The following CDC73 variants were observed in gnomAD, a reference collection of about 807,000 sequenced individuals.
CDC73 encodes the protein parafibromin.
CDC73 carries 21 observed loss-of-function variants against 83.7 expected under a neutral mutation model. That is an observed-to-expected ratio of 0.25 (90% CI 0.18 to 0.36). The LOEUF (loss-of-function observed/expected upper bound fraction) is 0.36, where lower values mean the gene tolerates loss of function less well. Among genes scored for constraint, CDC73 ranks in the 10% least tolerant of loss-of-function variants. The pLI is 1.00. For synonymous variants in CDC73, 224 were observed against 212.9 expected (o/e 1.05, Z -0.45); for missense variants, 342 against 653.3 (o/e 0.52, Z 5.19).
intron 3 of CDC73, among the ~76,000 whole-genome samples, chr1:193,131,610 C>T (rs571758804): frequency 2.6e-5 from 4 of 152,318 alleles, no homozygotes; most frequent in South Asian, 4.1e-4. Context: ...CTGCCTAAAT[C>T]TCTGTGACTC....
intron 1 of CDC73, among the ~76,000 whole-genome samples, chr1:193,123,383 A>G (rs1675501403): frequency 6.6e-6 from 1 of 152,044 alleles, no homozygotes; most frequent in South Asian, 2.1e-4. Flanking sequence ...CCCCGCCACC[A>G]TGGCCGGCTA....
rs1678030993 is a variant in CDC73 at position 193,250,694 on chromosome 1, A to G, written c.1578A>G (p.Lys526=). 1 of 1,609,180 alleles carries G rather than the reference A, an allele frequency of 6.2e-7. No individual in the cohort carries two copies. The highest frequency in any genetic ancestry group is 8.5e-7 in the Non-Finnish European group (1 of 1,176,158). ...TTTTCAGGTACATGGTAAAGCATAAATCGCACTTGAGATTCTGAATTATTT... is the reference window on the plus strand; with the variant it reads ...TTTTCAGGTACATGGTAAAGCATAAGTCGCACTTGAGATTCTGAATTATTT... ...ETLDRYMVKH[K]SHLRF Residue 526 remains lysine, a synonymous_variant, in exon 17 of 17, where the codon AAA becomes AAG. Coordinates refer to ENST00000367435, the MANE Select transcript of CDC73 (RefSeq NM_024529.5).
At chr1:193,138,025 T>C in intron 5 of CDC73, 60 bp from the exon 6 acceptor site, 1 of 1,281,896 alleles carries the variant, frequency 7.8e-7, no homozygotes, top group South Asian at 1.2e-5. Context: ...ACATGTAGCG[T>C]TTTTTCTTCC....
chr1:193,135,964 G>T (rs1439577143), intron 5 of CDC73, among the ~76,000 whole-genome samples: 1 of 151,480 alleles, frequency 6.6e-6, no homozygotes, highest in Non-Finnish European at 1.5e-5. Flanking sequence ...GACCTCCGGG[G>T]TTTAAGTGAT....
chr1:193,123,451 T>C (rs1675503010), intron 1 of CDC73, among the ~76,000 whole-genome samples: 1 of 152,194 alleles, frequency 6.6e-6, no homozygotes, highest in Admixed American at 6.5e-5. Context: ...GGTCTCGAAC[T>C]CCTGACCTCA....
At chr1:193,185,488 C>A (rs1002754208) in intron 10 of CDC73, among the ~76,000 whole-genome samples, 2 of 151,652 alleles carry the variant, frequency 1.3e-5, no homozygotes, top group East Asian at 1.9e-4. Flanking sequence ...TCATTATCTT[C>A]ATTTAGGGAG....
At chr1:193,228,492 G>A (rs2102053924) in intron 13 of CDC73, among the ~76,000 whole-genome samples, 1 of 152,284 alleles carries the variant, frequency 6.6e-6, no homozygotes, top group Non-Finnish European at 1.5e-5. Context: ...AAGATAGATA[G>A]ATGAATGAAA....
chr1:193,226,157 C>T (rs1677564207), intron 13 of CDC73, among the ~76,000 whole-genome samples: 1 of 152,164 alleles, frequency 6.6e-6, no homozygotes, highest in Admixed American at 6.5e-5. Flanking sequence ...ATTATCCCAG[C>T]ACCATATGTT....
At chr1:193,205,696 C>T (rs1047006060) in intron 11 of CDC73, among the ~76,000 whole-genome samples, 1 of 151,982 alleles carries the variant, frequency 6.6e-6, no homozygotes, top group Non-Finnish European at 1.5e-5. Flanking sequence ...CAGAATCCAT[C>T]GTGAGAGCAT....
intron 10 of CDC73, among the ~76,000 whole-genome samples, chr1:193,176,245 T>A (rs1676600157): frequency 6.6e-6 from 1 of 152,192 alleles, no homozygotes; most frequent in Admixed American, 6.5e-5. Context: ...CCTAGGAACA[T>A]AGGCCCCTAA....
chr1:193,164,404 T>C lies in CDC73; in HGVS notation c.972+11960T>C, dbSNP rs910987520. ...GAAACTAAGTAATGTTAGTATACCA[T>C]GAGAAACTGATTCATTTTAATTAAG... On this transcript the variant is annotated intron_variant, in intron 10 of 16. Coordinates refer to ENST00000367435, the MANE Select transcript of CDC73 (RefSeq NM_024529.5). Among the ~76,000 whole-genome samples, 11 of 152,324 alleles carry C rather than the reference T, an allele frequency of 7.2e-5. No homozygotes were observed. In the East Asian group the frequency reaches 2.1e-3, roughly 29 times the overall value.
intron 10 of CDC73, among the ~76,000 whole-genome samples, chr1:193,154,016 C>T (rs1027368680): frequency 6.6e-6 from 1 of 152,180 alleles, no homozygotes; most frequent in South Asian, 2.1e-4. Context: ...TAGATACTCC[C>T]ATCTTATGCG....
intron 15 of CDC73, among the ~76,000 whole-genome samples, chr1:193,249,129 C>T (rs1050324979): frequency 6.6e-6 from 1 of 152,032 alleles, no homozygotes; most frequent in Admixed American, 6.6e-5. Flanking sequence ...GAAATCGCTA[C>T]AGCCACCCTA....
At chr1:193,203,334 T>C (rs1281619942) in intron 10 of CDC73, among the ~76,000 whole-genome samples, 7 of 152,150 alleles carry the variant, frequency 4.6e-5, no homozygotes, top group African/African-American at 1.7e-4. Flanking sequence ...TTTAATTATT[T>C]GAAATGTTTG....
intron 13 of CDC73, among the ~76,000 whole-genome samples, chr1:193,221,783 C>A (rs1677475234): frequency 6.6e-6 from 1 of 152,134 alleles, no homozygotes; most frequent in Admixed American, 6.5e-5. Flanking sequence ...AATGTTTCTT[C>A]CAAGTTTAAA....
In CDC73 at chr1:193,201,773, C is replaced by T. The variant is rs1238489773; in HGVS notation, c.973-2022C>T. On this transcript the variant is annotated intron_variant, in intron 10 of 16. Coordinates refer to ENST00000367435, the MANE Select transcript of CDC73 (RefSeq NM_024529.5). ...CCATATTATTTACATATGCTTATAC[C>T]TTTTGCCTGACCCATGTTGTAAAAT... 2.0e-5 allele frequency among the ~76,000 whole-genome samples: 3 copies of T among 151,902 alleles called. No individual in the cohort carries two copies. The East Asian group carries it at 5.8e-4, about 29-fold the overall frequency.
chr1:193,138,699 T>TGG (rs1675847180), intron 6 of CDC73, among the ~76,000 whole-genome samples: 1 of 152,050 alleles, frequency 6.6e-6, no homozygotes, highest in Non-Finnish European at 1.5e-5. Context: ...TTCTTTTTTT[T>TGG]GGATTCTTTT....
At chr1:193,205,207 CCT>C (rs1491579385) in intron 11 of CDC73, among the ~76,000 whole-genome samples, 1 of 105,848 alleles carries the variant, frequency 9.4e-6, no homozygotes, top group East Asian at 2.4e-4. Context: ...CCCCCCCCCC[CCT>C]TTTTTTTTAA....
chr1:193,240,829 T>G (rs567461791), intron 15 of CDC73, among the ~76,000 whole-genome samples: 1 of 152,336 alleles, frequency 6.6e-6, no homozygotes, highest in South Asian at 2.1e-4. Flanking sequence ...GTACAGAAAC[T>G]TTTTACTTTA....
Sources: allele counts gnomAD v4.1 joint callset (sites outside exome capture counted in the v4.1 genomes callset), GRCh38; gene constraint gnomAD v4.1.1; transcripts MANE v1.5; gene names NCBI Gene and HGNC (gene_info 2026-07-23, HGNC 2026-07-21).